Variants in ANKRD17 observed in about 807,000 individuals in gnomAD.
ANKRD17 encodes the protein ankyrin repeat domain-containing protein 17.
ANKRD17 carries 19 observed loss-of-function variants against 229.7 expected under a neutral mutation model. The observed-to-expected ratio is 0.08, with a 90% CI of 0.06 to 0.12. ANKRD17 has a LOEUF of 0.12. Ranked by LOEUF, ANKRD17 falls within the 10% of genes least tolerant of loss-of-function variation. The pLI is 1.00. For missense variants in ANKRD17, 2,176 were observed against 3,176.8 expected (o/e 0.68, Z 7.57); for synonymous variants, 1,112 against 1,146.1 (o/e 0.97, Z 0.60).
intron 1 of ANKRD17, among the ~76,000 whole-genome samples, chr4:73,241,054 G>C (rs755760005): frequency 1.3e-5 from 2 of 151,748 alleles, no homozygotes; most frequent in African/African-American, 4.8e-5. Flanking sequence ...CAGGCAACCC[G>C]CCCACCTCGG....
At chr4:73,173,278 A>G (rs1734286414) in intron 2 of ANKRD17, among the ~76,000 whole-genome samples, 1 of 152,260 alleles carries the variant, frequency 6.6e-6, no homozygotes, top group Non-Finnish European at 1.5e-5. Flanking sequence ...TATGCACCTA[A>G]CACTGGAGCA....
chr4:73,218,293 T>C lies in ANKRD17; in HGVS notation c.393+39983A>G, dbSNP rs114755736. 6.2e-3 allele frequency among the ~76,000 whole-genome samples: 937 copies of C among 152,296 alleles called. 11 individuals carry two copies. Among genetic ancestry groups the C allele is most frequent in the African/African-American group, 0.019 (781 of 41,562 alleles). On this transcript the variant is annotated intron_variant, in intron 1 of 33. Transcript: ENST00000358602. ...AACTATTCAGATGGAATCAATGAAG[T>C]AAAATACTAGTATTAAAATATGTAT... is the stretch of plus-strand genomic sequence containing the variant.
intron 25 of ANKRD17, among the ~76,000 whole-genome samples, chr4:73,101,755 A>G (rs1724028081): frequency 6.6e-6 from 1 of 151,916 alleles, no homozygotes; most frequent in Non-Finnish European, 1.5e-5. Context: ...AAAAATATGT[A>G]CAAGTACTTA....
At chr4:73,251,039 G>A (rs1042074226) in intron 1 of ANKRD17, among the ~76,000 whole-genome samples, 3 of 152,076 alleles carry the variant, frequency 2.0e-5, no homozygotes, top group African/African-American at 7.2e-5. Flanking sequence ...GGGAGCCTGC[G>A]GCAGGAGGAT....
rs1278752483 is a variant in ANKRD17 at position 73,091,125 on chromosome 4, T to C, written c.6503A>G (p.Gln2168Arg). 4.3e-6 allele frequency: 7 copies of C among 1,613,960 alleles called. No individual in the cohort carries two copies. Among genetic ancestry groups the C allele is most frequent in the Non-Finnish European group, 5.1e-6 (6 of 1,180,026 alleles). Residue 2168 changes from glutamine (Q) to arginine (R), a missense_variant, in exon 29 of 34, where the codon CAG (glutamine) becomes CGG (arginine). Transcript: ENST00000358602. ...AGGGGTTTCCATTTTAGGAGTAGGC[T>C]GGGGGCATCCCATTGGTGTCTGAGG... is the stretch of plus-strand genomic sequence containing the variant. ...PMPQTPMGCPQPTPKMETPAI... is the reference protein window; with the variant it reads ...PMPQTPMGCPRPTPKMETPAI...
chr4:73,214,847 T>TAAAAAA (rs766995925), intron 1 of ANKRD17, among the ~76,000 whole-genome samples: 2 of 85,592 alleles, frequency 2.3e-5, no homozygotes, highest in Admixed American at 1.4e-4. Flanking sequence ...TCGTCTCTAT[T>TAAAAAA]AAAAAAAAAA....
At chr4:73,256,076 A>G (rs1299494752) in intron 1 of ANKRD17, among the ~76,000 whole-genome samples, 1 of 152,210 alleles carries the variant, frequency 6.6e-6, no homozygotes, top group Non-Finnish European at 1.5e-5. Context: ...TTCATAAATG[A>G]CAAACCCATT....
At position 73,117,187 on chromosome 4, in the gene ANKRD17, A is replaced by G. The variant is rs182768918; in HGVS notation, c.4189-1271T>C. Among the ~76,000 whole-genome samples, 365 of 152,326 alleles carry G rather than the reference A, an allele frequency of 2.4e-3. 3 individuals carry two copies. The highest frequency in any genetic ancestry group is 8.1e-3 in the African/African-American group (338 of 41,574). ...GAGTTTGGTAGGAGAGACTTCAACT[A>G]TAACTAAAGAATGAGTAACTTTGGA... On this transcript the variant is annotated intron_variant, in intron 22 of 33. Transcript: ENST00000358602.
chr4:73,243,404 T>C (rs147001540), intron 1 of ANKRD17, among the ~76,000 whole-genome samples: 1 of 152,212 alleles, frequency 6.6e-6, no homozygotes, highest in East Asian at 1.9e-4. Context: ...GCGATGGTAG[T>C]GGAGAAGGAG....
chr4:73,230,252 A>T (rs1363692547), intron 1 of ANKRD17, among the ~76,000 whole-genome samples: 2 of 152,184 alleles, frequency 1.3e-5, no homozygotes, highest in Admixed American at 6.6e-5. Flanking sequence ...CATAGTATCC[A>T]GTAGTATATT....
intron 16 of ANKRD17, among the ~76,000 whole-genome samples, chr4:73,126,518 C>T (rs1295044014): frequency 1.3e-5 from 2 of 151,950 alleles, no homozygotes; most frequent in Non-Finnish European, 2.9e-5. Context: ...GAGAACAAAG[C>T]CCCAAAATAC....
At chr4:73,249,798 G>A (rs944943234) in intron 1 of ANKRD17, among the ~76,000 whole-genome samples, 2 of 152,276 alleles carry the variant, frequency 1.3e-5, no homozygotes, top group Non-Finnish European at 2.9e-5. Context: ...GGAGGTTGCA[G>A]TGAGACGGCA....
chr4:73,095,028 G>T (rs556075260), intron 27 of ANKRD17, among the ~76,000 whole-genome samples: 1 of 151,606 alleles, frequency 6.6e-6, no homozygotes, highest in Admixed American at 6.6e-5. Context: ...ACAAAAATTA[G>T]CCAGGCATGG....
intron 1 of ANKRD17, among the ~76,000 whole-genome samples, chr4:73,223,383 T>C (rs954710532): frequency 8.5e-5 from 13 of 152,120 alleles, no homozygotes; most frequent in Admixed American, 8.5e-4. Flanking sequence ...ACAAAAGAGG[T>C]TGAAGTGGGT....
At chr4:73,251,690 G>A (rs933372835) in intron 1 of ANKRD17, among the ~76,000 whole-genome samples, 8 of 152,070 alleles carry the variant, frequency 5.3e-5, no homozygotes, top group Non-Finnish European at 1.0e-4. Flanking sequence ...CTGTGGTCAA[G>A]TATGGAAAAA....
chr4:73,151,032 A>AT (rs1282294473), intron 7 of ANKRD17, among the ~76,000 whole-genome samples: 1 of 151,876 alleles, frequency 6.6e-6, no homozygotes, highest in African/African-American at 2.4e-5. Context: ...TTTTTTTAAC[A>AT]TTTTTTTAAA....
intron 8 of ANKRD17, among the ~76,000 whole-genome samples, chr4:73,148,382 G>A (rs541287651): frequency 2.6e-5 from 4 of 152,248 alleles, no homozygotes; most frequent in Admixed American, 6.5e-5. Context: ...TAATATGTGC[G>A]CATTCTTGCA....
rs771111512 is a variant in ANKRD17 at position 73,252,003 on chromosome 4, AC to A, written c.393+6272del. Among the ~76,000 whole-genome samples the A allele has an allele frequency of 6.6e-5, 10 of 152,368 alleles. No individual in the cohort carries two copies. The South Asian group carries it at 1.7e-3, about 25-fold the overall frequency. On this transcript the variant is annotated intron_variant, in intron 1 of 33. Transcript: ENST00000358602. ...AATAATGGTTCAATTAAAACATCCC[AC>A]AGGGATCTACTGTAAATAATAGCTG...
intron 28 of ANKRD17, 123 bp from the exon 29 acceptor site, chr4:73,092,423 T>A: frequency 2.7e-6 from 2 of 750,518 alleles, no homozygotes; most frequent in Non-Finnish European, 4.2e-6. Context: ...CATACACACA[T>A]ACAAACAAAG....
Sources: gnomAD v4.1 joint callset for allele counts (sites outside exome capture counted in the v4.1 genomes callset) on GRCh38, gnomAD v4.1.1 for gene constraint, MANE v1.5 for transcripts, NCBI Gene and HGNC (gene_info 2026-07-23, HGNC 2026-07-21) for gene names.